The following PTPRD variants were observed in gnomAD, a reference collection of about 807,000 sequenced individuals.
The protein encoded by PTPRD is protein tyrosine phosphatase receptor type D.
Under a neutral mutation model 214.5 loss-of-function variants are expected in PTPRD, and 34 were observed. The ratio of observed to expected loss-of-function variants is 0.16; its 90% CI spans 0.12 to 0.21. The LOEUF is 0.21. PTPRD is among the 10% of genes least tolerant of loss of function. The pLI, the probability that PTPRD is intolerant of heterozygous loss-of-function variation, is 1.00. For missense variants in PTPRD, 2,545 were observed against 2,398.7 expected, an observed-to-expected ratio of 1.06 and a Z score of -1.27; for synonymous variants, 1,128 against 845.7, an observed-to-expected ratio of 1.33 and a Z score of -5.79.
intron 16 of PTPRD, 64 bp downstream of exon 16, chr9:8,527,281 A>C (rs547799522): frequency 1.8e-4 from 277 of 1,516,840 alleles, no homozygotes; most frequent in Admixed American, 8.9e-4. Flanking sequence ...TATTAATAAT[A>C]ATAATAATAT....
chr9:10,124,201 AT>A (rs575312137), intron 3 of PTPRD, among the ~76,000 whole-genome samples: 77 of 152,200 alleles, frequency 5.1e-4, no homozygotes, highest in African/African-American at 1.5e-3. Context: ...TGTAAATAGC[AT>A]TTTTAATATA....
intron 3 of PTPRD, among the ~76,000 whole-genome samples, chr9:10,333,621 T>G (rs186686472): frequency 1.1e-4 from 17 of 151,928 alleles, no homozygotes; most frequent in African/African-American, 4.1e-4. Context: ...AAAGGTAAAA[T>G]CTTAGCAAGG....
At chr9:10,090,447 C>CA (rs1711828640) in intron 3 of PTPRD, among the ~76,000 whole-genome samples, 1 of 151,254 alleles carries the variant, frequency 6.6e-6, no homozygotes, top group South Asian at 2.1e-4. Context: ...GCAAAATCTG[C>CA]AATGGTAATT....
chr9:9,533,115 T>A (rs2075839391), intron 8 of PTPRD, among the ~76,000 whole-genome samples: 1 of 152,180 alleles, frequency 6.6e-6, no homozygotes, highest in Admixed American at 6.6e-5. Context: ...ATAGCAGTGC[T>A]ATTACTTGTT....
chr9:9,633,879 C>A (rs1593639673), intron 7 of PTPRD, among the ~76,000 whole-genome samples: 1 of 152,052 alleles, frequency 6.6e-6, no homozygotes, highest in Non-Finnish European at 1.5e-5. Flanking sequence ...TATATTCATG[C>A]AGTATATCTT....
intron 2 of PTPRD, among the ~76,000 whole-genome samples, chr9:10,370,323 A>G (rs1486402682): frequency 1.3e-5 from 2 of 152,118 alleles, no homozygotes; most frequent in Non-Finnish European, 2.9e-5. Flanking sequence ...ACTGTGCTTT[A>G]CTAAAATTTT....
At chr9:9,345,738 C>T (rs1287100845) in intron 9 of PTPRD, among the ~76,000 whole-genome samples, 2 of 152,138 alleles carry the variant, frequency 1.3e-5, no homozygotes, top group African/African-American at 4.8e-5. Flanking sequence ...CTCAAACATT[C>T]GGTTCCTCCA....
chr9:9,698,484 T>C (rs759270161), intron 7 of PTPRD, among the ~76,000 whole-genome samples: 3 of 152,170 alleles, frequency 2.0e-5, no homozygotes, highest in Non-Finnish European at 4.4e-5. Context: ...TAGGGGTTTA[T>C]TCCCAGGAAA....
intron 12 of PTPRD, among the ~76,000 whole-genome samples, chr9:8,653,262 C>T (rs1400883368): frequency 1.3e-5 from 2 of 152,094 alleles, no homozygotes; most frequent in Non-Finnish European, 2.9e-5. Flanking sequence ...CATAAATGGC[C>T]TCTGGGGGCT....
intron 39 of PTPRD, among the ~76,000 whole-genome samples, chr9:8,373,526 C>G (rs2082152461): frequency 2.6e-5 from 4 of 151,876 alleles, no homozygotes; most frequent in Admixed American, 2.6e-4. Context: ...ATTAGCTCAG[C>G]ACATTCATCT....
At chr9:9,719,597 G>C (rs1393554992) in intron 7 of PTPRD, among the ~76,000 whole-genome samples, 3 of 152,144 alleles carry the variant, frequency 2.0e-5, no homozygotes, top group Non-Finnish European at 1.5e-5. Flanking sequence ...TGGCAGGACT[G>C]AAAGAGTTGT....
intron 3 of PTPRD, among the ~76,000 whole-genome samples, chr9:10,216,692 A>G (rs952525167): frequency 3.3e-5 from 5 of 152,046 alleles, no homozygotes; most frequent in Admixed American, 6.6e-5. Flanking sequence ...TTCACAATAG[A>G]GCTCTCTTGA....
intron 8 of PTPRD, among the ~76,000 whole-genome samples, chr9:9,573,043 T>A (rs779971062): frequency 6.6e-5 from 10 of 151,690 alleles, no homozygotes; most frequent in African/African-American, 9.7e-5. Flanking sequence ...CAAAAACACA[T>A]GTTCCTGATA....
Position 9,747,187 on chromosome 9 carries a change from C to T in PTPRD, c.-325-12616G>A, listed in dbSNP as rs147196199. 1.5e-3 allele frequency among the ~76,000 whole-genome samples: 228 copies of T among 152,246 alleles called. 1 individual carries two copies. The highest frequency in any genetic ancestry group is 5.1e-3 in the African/African-American group (212 of 41,548). On this transcript the variant is annotated intron_variant, in intron 6 of 45. Coordinates refer to ENST00000381196, the MANE Select transcript of PTPRD (RefSeq NM_002839.4). The stretch of plus-strand genomic sequence containing the variant: ...GGGAAGAAGCACTCTGAGCAGGAGC[C>T]ACTGACAGAGGTATTGGGCTTAGCA...
chr9:9,971,719 A>G (rs561279239), intron 4 of PTPRD, among the ~76,000 whole-genome samples: 2 of 152,174 alleles, frequency 1.3e-5, no homozygotes, highest in Non-Finnish European at 2.9e-5. Context: ...AGCTGCTGTC[A>G]TGATTTATTT....
intron 9 of PTPRD, among the ~76,000 whole-genome samples, chr9:9,337,059 A>G (rs1448367659): frequency 7.2e-5 from 11 of 152,170 alleles, no homozygotes; most frequent in East Asian, 5.8e-4. Flanking sequence ...TACACATAAC[A>G]GAGTGGAGGC....
At chr9:9,822,420 T>C (rs959212287) in intron 5 of PTPRD, among the ~76,000 whole-genome samples, 1 of 147,706 alleles carries the variant, frequency 6.8e-6, no homozygotes, top group Non-Finnish European at 1.5e-5. Flanking sequence ...AAAAAATATA[T>C]AATATATACA....
At chr9:9,908,180 G>A (rs1418395276) in intron 5 of PTPRD, among the ~76,000 whole-genome samples, 1 of 151,916 alleles carries the variant, frequency 6.6e-6, no homozygotes, top group African/African-American at 2.4e-5. Flanking sequence ...AAAGAAGATG[G>A]TAAATTCTGG....
intron 11 of PTPRD, among the ~76,000 whole-genome samples, chr9:8,982,967 T>C (rs564576877): frequency 1.3e-5 from 2 of 152,050 alleles, no homozygotes; most frequent in African/African-American, 2.4e-5. Flanking sequence ...TTTGAGATTG[T>C]TGAAGTGGAT....
Sources: allele counts gnomAD v4.1 joint callset (sites outside exome capture counted in the v4.1 genomes callset), GRCh38; gene constraint gnomAD v4.1.1; transcripts MANE v1.5; gene names NCBI Gene and HGNC (gene_info 2026-07-23, HGNC 2026-07-21).